The following FARP1 variants were observed in gnomAD, a reference collection of about 807,000 sequenced individuals.
FARP1 encodes the protein FERM, ARHGEF and pleckstrin domain-containing protein 1.
In FARP1, 52 loss-of-function variants were observed where a neutral mutation model predicts 128.8. That is an observed-to-expected ratio of 0.40 (90% CI 0.32 to 0.51). FARP1 has a LOEUF of 0.51. Among genes scored for constraint, FARP1 ranks in the 20% least tolerant of loss-of-function variants. The pLI, the probability that FARP1 is intolerant of heterozygous loss-of-function variation, is 0.45. For synonymous variants in FARP1, 580 were observed against 551.8 expected, an observed-to-expected ratio of 1.05 and a Z score of -0.72; for missense variants, 1,333 against 1,367.9, an observed-to-expected ratio of 0.97 and a Z score of 0.40.
chr13:98,332,246 C>T (rs967181918), intron 2 of FARP1: 4 of 152,146 alleles, frequency 2.6e-5, no homozygotes, highest in African/African-American at 9.7e-5. Flanking sequence ...TCTCCCCTTC[C>T]TCCACCCCCA....
intron 2 of FARP1, among the ~76,000 whole-genome samples, chr13:98,291,189 A>G (rs938941862): frequency 2.0e-5 from 3 of 152,214 alleles, no homozygotes; most frequent in Non-Finnish European, 2.9e-5. Flanking sequence ...TGTATGTATT[A>G]TATACTGAGA....
chr13:98,145,315 C>G (rs1385200404), intron 1 of FARP1, among the ~76,000 whole-genome samples: 1 of 152,198 alleles, frequency 6.6e-6, no homozygotes, highest in Non-Finnish European at 1.5e-5. Flanking sequence ...GAAGTTCTGT[C>G]ACTGTGGGAA....
chr13:98,416,291 C>G (rs1258231796), intron 16 of FARP1, among the ~76,000 whole-genome samples: 1 of 152,134 alleles, frequency 6.6e-6, no homozygotes, highest in Non-Finnish European at 1.5e-5. Flanking sequence ...AGCAAAAGTT[C>G]CCCAGAATTT....
chr13:98,410,430 G>T (rs957784809), intron 14 of FARP1, among the ~76,000 whole-genome samples: 5 of 152,178 alleles, frequency 3.3e-5, no homozygotes, highest in South Asian at 2.1e-4. Context: ...TCCTTTTGCT[G>T]ACGGTAATTT....
intron 3 of FARP1, among the ~76,000 whole-genome samples, chr13:98,356,333 C>G (rs1464649482): frequency 6.6e-6 from 1 of 152,024 alleles, no homozygotes; most frequent in Non-Finnish European, 1.5e-5. Flanking sequence ...GTCTCTATAG[C>G]ATATTACTGA....
chr13:98,221,998 T>A (rs1473690957), intron 2 of FARP1, among the ~76,000 whole-genome samples: 3 of 152,262 alleles, frequency 2.0e-5, no homozygotes, highest in African/African-American at 4.8e-5. Context: ...GCATTTGAGC[T>A]GGAGGTAATG....
chr13:98,304,891 A>G (rs750133660), intron 2 of FARP1, among the ~76,000 whole-genome samples: 3 of 152,204 alleles, frequency 2.0e-5, no homozygotes, highest in Non-Finnish European at 2.9e-5. Context: ...ACCTTAAAGA[A>G]TATAACAAAG....
At chr13:98,298,247 C>T (rs1318050362) in intron 2 of FARP1, among the ~76,000 whole-genome samples, 1 of 152,124 alleles carries the variant, frequency 6.6e-6, no homozygotes, top group Non-Finnish European at 1.5e-5. Context: ...CCCATTTTGC[C>T]AAGGAAAAGG....
chr13:98,400,888 T>G (rs529200016), intron 13 of FARP1: 1 of 152,350 alleles, frequency 6.6e-6, no homozygotes, highest in Admixed American at 6.5e-5. Flanking sequence ...GCAAGTTTCT[T>G]TGAACCCTAG....
At chr13:98,222,362 T>C (rs1409464907) in intron 2 of FARP1, among the ~76,000 whole-genome samples, 10 of 152,198 alleles carry the variant, frequency 6.6e-5, no homozygotes, top group African/African-American at 2.4e-4. Flanking sequence ...TTGTGCCAAG[T>C]CTGCCCGTAC....
intron 24 of FARP1, among the ~76,000 whole-genome samples, chr13:98,444,210 C>T (rs1013029495): frequency 1.3e-5 from 2 of 152,164 alleles, no homozygotes; most frequent in Non-Finnish European, 2.9e-5. Context: ...TCTAAGGACA[C>T]GGCTCGTGCT....
chr13:98,361,694 T>C (rs1888879693), intron 3 of FARP1, among the ~76,000 whole-genome samples: 1 of 152,200 alleles, frequency 6.6e-6, no homozygotes, highest in Admixed American at 6.5e-5. Flanking sequence ...GGAATTTTCT[T>C]GTTTTCCTAA....
intron 2 of FARP1, among the ~76,000 whole-genome samples, chr13:98,261,611 C>T (rs1290437527): frequency 1.3e-5 from 2 of 150,982 alleles, no homozygotes; most frequent in Non-Finnish European, 2.9e-5. Context: ...TTTATGGTGT[C>T]ATAGGAAGAA....
At chr13:98,385,326 G>C (rs989326172) in intron 7 of FARP1, among the ~76,000 whole-genome samples, 2 of 152,178 alleles carry the variant, frequency 1.3e-5, no homozygotes, top group African/African-American at 4.8e-5. Flanking sequence ...GCAGGTTTAG[G>C]TTATTGAAAG....
chr13:98,142,825 T>A (rs565963438), upstream of FARP1: 2 of 152,024 alleles, frequency 1.3e-5, no homozygotes, highest in South Asian at 4.1e-4. Flanking sequence ...CCAGTGGCGC[T>A]CCCCGCGCTG....
rs1388091360 is a variant in FARP1, at chr13:98,450,596, C to G, written c.*2279C>G. 1 of 152,422 alleles carries G rather than the reference C, an allele frequency of 6.6e-6. No homozygotes were observed. The highest frequency in any genetic ancestry group is 1.5e-5 in the Non-Finnish European group (1 of 68,204). 9.4% of individuals were successfully genotyped at this position (152,422 alleles called of 1,614,324 possible). On this transcript the variant is annotated 3_prime_UTR_variant, in exon 27 of 27. Coordinates refer to ENST00000319562, the MANE Select transcript of FARP1 (RefSeq NM_005766.4). The stretch of plus-strand genomic sequence containing the variant: ...AGCTACCAGCCACCCAGTCCACGGC[C>G]CTCGTCTCCCAGAGGCTGAGTACCT...
At chr13:98,163,122 C>T (rs1209491490) in intron 1 of FARP1, among the ~76,000 whole-genome samples, 5 of 152,058 alleles carry the variant, frequency 3.3e-5, no homozygotes, top group African/African-American at 4.8e-5. Flanking sequence ...ACATATATAC[C>T]ACGGAATACT....
chr13:98,176,495 C>T lies in FARP1; in HGVS notation c.-24+33003C>T, dbSNP rs376379120. 13 of 1,614,078 alleles carry T rather than the reference C, an allele frequency of 8.1e-6. No individual in the cohort carries two copies. Among genetic ancestry groups the T allele is most frequent in the African/African-American group, 2.7e-5 (2 of 74,920 alleles). On this transcript the variant is annotated intron_variant, in intron 1 of 26. Coordinates refer to ENST00000319562, the MANE Select transcript of FARP1 (RefSeq NM_005766.4). This position sits in a 1 kb window ranked among gnomAD's most constrained non-coding sequence, Gnocchi z 6.2. Reference sequence around the variant, plus strand: ...CACCTGAATGGTATTTCCTCTTCCTCGCTTCCCACTTCATGGTTTTCGTCC... The same window carrying T: ...CACCTGAATGGTATTTCCTCTTCCTTGCTTCCCACTTCATGGTTTTCGTCC...
At chr13:98,210,839 G>A (rs925241107) in intron 1 of FARP1, among the ~76,000 whole-genome samples, 11 of 152,130 alleles carry the variant, frequency 7.2e-5, no homozygotes, top group East Asian at 1.9e-4. Context: ...GTGAGCCACC[G>A]CACCCAGCCC....
Sources: allele counts gnomAD v4.1 joint callset (sites outside exome capture counted in the v4.1 genomes callset), GRCh38; gene constraint gnomAD v4.1.1; non-coding constraint Gnocchi (gnomAD v3.1); transcripts MANE v1.5; gene names NCBI Gene and HGNC (gene_info 2026-07-23, HGNC 2026-07-21).